The following PLEKHA7 variants were observed in gnomAD, a reference collection of about 807,000 sequenced individuals.
PLEKHA7 encodes pleckstrin homology domain containing A7, also known as pleckstrin homology domain-containing family A member 7.
Under a neutral mutation model 170.0 loss-of-function variants are expected in PLEKHA7, and 104 were observed. The ratio of observed to expected loss-of-function variants is 0.61; its 90% confidence interval spans 0.52 to 0.72. PLEKHA7 has a LOEUF of 0.72. Ranked by LOEUF, PLEKHA7 falls within the 30% of genes least tolerant of loss-of-function variation. PLEKHA7 has a pLI of 0.00. For synonymous variants in PLEKHA7, 648 were observed against 660.8 expected, an observed-to-expected ratio of 0.98 and a Z score of 0.30; for missense variants, 1,615 against 1,671.7, an observed-to-expected ratio of 0.97 and a Z score of 0.59.
chr11:16,990,090 T>C (rs2136941516), intron 3 of PLEKHA7, among the ~76,000 whole-genome samples: 1 of 151,896 alleles, frequency 6.6e-6, no homozygotes, highest in Middle Eastern at 3.4e-3. Flanking sequence ...GCACAGGTCC[T>C]GTGTGGAGGA....
intron 9 of PLEKHA7, among the ~76,000 whole-genome samples, chr11:16,829,703 G>T (rs1850951005): frequency 6.6e-6 from 1 of 152,160 alleles, no homozygotes; most frequent in South Asian, 2.1e-4. Flanking sequence ...TTGAACCTGG[G>T]AGGCACAGGT....
chr11:16,965,830 G>A (rs1276289131), intron 3 of PLEKHA7, among the ~76,000 whole-genome samples: 1 of 152,186 alleles, frequency 6.6e-6, no homozygotes, highest in Non-Finnish European at 1.5e-5. Flanking sequence ...AAATGAGAGA[G>A]TCCAGATAAA....
intron 23 of PLEKHA7, chr11:16,786,845 T>G (rs972232768): frequency 4.1e-6 from 4 of 985,428 alleles, no homozygotes; most frequent in Non-Finnish European, 4.8e-6. Flanking sequence ...GATCTTTCTA[T>G]TGGGAATTTT....
chr11:16,794,677 C>T lies in PLEKHA7; in HGVS notation c.2556G>A (p.Val852=). The change falls in exon 19 of 27, where the codon GTG becomes GTA. Residue 852 remains valine (V), a synonymous_variant. Transcript: ENST00000531066. ...TGCTCTCAGAAGTTGAGAGTGAAGG[C>T]ACAGGCGGGTGAGGAAACAAAGGCA... ...KTVPLFPHPP[V]PSLSTSESKP... 6.2e-7 allele frequency: 1 copy of T among 1,613,954 alleles called. No individual in the cohort carries two copies. Among genetic ancestry groups the T allele is most frequent in the Non-Finnish European group, 8.5e-7 (1 of 1,179,968 alleles).
chr11:16,828,664 T>C (rs1052378886), intron 9 of PLEKHA7, among the ~76,000 whole-genome samples: 4 of 152,184 alleles, frequency 2.6e-5, no homozygotes, highest in Non-Finnish European at 5.9e-5. Flanking sequence ...CCACACTGTA[T>C]CCACTGCCCT....
chr11:16,920,415 ACAAAAACAAATGT>A (rs923393398), intron 3 of PLEKHA7, among the ~76,000 whole-genome samples: 3 of 152,252 alleles, frequency 2.0e-5, no homozygotes, highest in African/African-American at 7.2e-5. Context: ...ATCTCCCCTG[ACAAAAACAAATGT>A]CCCCATTTCT....
At chr11:16,904,413 T>G (rs896939667) in intron 3 of PLEKHA7, among the ~76,000 whole-genome samples, 2 of 152,234 alleles carry the variant, frequency 1.3e-5, no homozygotes, top group South Asian at 4.1e-4. Context: ...AAGGTGTTTA[T>G]ACTTGATGAA....
intron 3 of PLEKHA7, chr11:16,881,200 C>T (rs1445807460): frequency 6.6e-6 from 1 of 152,130 alleles, no homozygotes; most frequent in Non-Finnish European, 1.5e-5. Context: ...CAGAATATAC[C>T]ACAGCAAACT....
chr11:16,981,990 C>A (rs551223206), intron 3 of PLEKHA7, among the ~76,000 whole-genome samples: 2 of 152,298 alleles, frequency 1.3e-5, no homozygotes, highest in African/African-American at 4.8e-5. Context: ...CTCGGCCCTT[C>A]GGCATGCAAG....
intron 3 of PLEKHA7, among the ~76,000 whole-genome samples, chr11:16,944,816 TTTA>T (rs1860922064): frequency 2.6e-5 from 4 of 152,240 alleles, no homozygotes; most frequent in Admixed American, 2.0e-4. Context: ...ATAACCAATA[TTTA>T]TTAAGCATTT....
intron 3 of PLEKHA7, among the ~76,000 whole-genome samples, chr11:16,923,666 T>G (rs1403852102): frequency 6.6e-6 from 1 of 152,062 alleles, no homozygotes; most frequent in African/African-American, 2.4e-5. Context: ...GAAGCACCTC[T>G]CTGATACACA....
chr11:16,904,438 TTAAACA>T, intron 3 of PLEKHA7, among the ~76,000 whole-genome samples: 1 of 152,344 alleles, frequency 6.6e-6, no homozygotes, highest in African/African-American at 2.4e-5. Flanking sequence ...TGTACAGCCA[TTAAACA>T]TAAAGTTTAT....
At chr11:16,883,227 G>A (rs1406087302) in intron 3 of PLEKHA7, among the ~76,000 whole-genome samples, 1 of 152,164 alleles carries the variant, frequency 6.6e-6, no homozygotes, top group Non-Finnish European at 1.5e-5. Flanking sequence ...GCAGAAGTTG[G>A]CAAGCTTCGA....
At chr11:16,821,916 T>TGAGC (rs1331330374) in intron 10 of PLEKHA7, among the ~76,000 whole-genome samples, 3 of 152,154 alleles carry the variant, frequency 2.0e-5, no homozygotes, top group Non-Finnish European at 2.9e-5. Flanking sequence ...TCTCACTGTG[T>TGAGC]GCTCAGTGAC....
At chr11:17,009,413 C>T (rs1292898227) in intron 3 of PLEKHA7, among the ~76,000 whole-genome samples, 2 of 152,202 alleles carry the variant, frequency 1.3e-5, no homozygotes, top group African/African-American at 2.4e-5. Flanking sequence ...GTAGTTCCTA[C>T]CTCATCAAAC....
At chr11:16,966,896 C>A (rs1186886013) in intron 3 of PLEKHA7, among the ~76,000 whole-genome samples, 2 of 152,138 alleles carry the variant, frequency 1.3e-5, no homozygotes, top group Admixed American at 1.3e-4. Flanking sequence ...CTTCACTGGG[C>A]TATCTCACAG....
chr11:16,892,440 T>TGTGTGTGTGTG (rs749414406), intron 3 of PLEKHA7, among the ~76,000 whole-genome samples: 61 of 102,520 alleles, frequency 6.0e-4, no homozygotes, highest in Non-Finnish European at 1.0e-3. Flanking sequence ...GTGTGTTTTG[T>TGTGTGTGTGTG]TTTGTTTTGT....
chr11:16,996,679 G>A (rs1864358666), intron 3 of PLEKHA7, among the ~76,000 whole-genome samples: 2 of 150,294 alleles, frequency 1.3e-5, no homozygotes, highest in South Asian at 2.1e-4. Flanking sequence ...GCTCATGCCT[G>A]TAATCCCAGC....
At chr11:16,829,369 G>T (rs1805414477) in intron 9 of PLEKHA7, among the ~76,000 whole-genome samples, 1 of 152,098 alleles carries the variant, frequency 6.6e-6, no homozygotes, top group Non-Finnish European at 1.5e-5. Context: ...TATACTGAAA[G>T]GGGTCCTGCC....
Sources: allele counts gnomAD v4.1 joint callset (sites outside exome capture counted in the v4.1 genomes callset), GRCh38; gene constraint gnomAD v4.1.1; transcripts MANE v1.5; gene names NCBI Gene and HGNC (gene_info 2026-07-23, HGNC 2026-07-21).